NOD1: variants seen among roughly 807,000 people sequenced by gnomAD.
NOD1 encodes nucleotide binding oligomerization domain containing 1, also known as nucleotide-binding oligomerization domain-containing protein 1.
Under a neutral mutation model 81.2 loss-of-function variants are expected in NOD1, and 70 were observed. The ratio of observed to expected loss-of-function variants is 0.86; its 90% CI spans 0.71 to 1.05. NOD1 has a LOEUF of 1.05. Ranked by LOEUF, NOD1 falls within the 50% of genes least tolerant of loss-of-function variation. The probability of loss-of-function intolerance (pLI) is 0.00; values close to 1 mark genes in which losing one functional copy is unlikely to be tolerated. For missense variants in NOD1, 1,233 were observed against 1,228.0 expected, an observed-to-expected ratio of 1.00 and a Z score of -0.06; for synonymous variants, 508 against 526.9, an observed-to-expected ratio of 0.96 and a Z score of 0.49.
chr7:30,466,978 T>C (rs903263190), intron 1 of NOD1, among the ~76,000 whole-genome samples: 3 of 152,118 alleles, frequency 2.0e-5, no homozygotes, highest in Non-Finnish European at 2.9e-5. Context: ...CTCACTTGGC[T>C]CCACAGAACC....
At chr7:30,448,771 G>A (rs1465188461) in intron 6 of NOD1, among the ~76,000 whole-genome samples, 1 of 152,202 alleles carries the variant, frequency 6.6e-6, no homozygotes, top group African/African-American at 2.4e-5. Flanking sequence ...TGCTTTTAGT[G>A]GTTGTGACTG....
At chr7:30,427,693 G>A (rs768502424) in intron 13 of NOD1, among the ~76,000 whole-genome samples, 10 of 152,244 alleles carry the variant, frequency 6.6e-5, no homozygotes, top group Non-Finnish European at 1.5e-5. Flanking sequence ...TGAAGCTGAA[G>A]TCTCCTGGCC....
At chr7:30,466,758 T>C (rs903882455) in intron 1 of NOD1, among the ~76,000 whole-genome samples, 5 of 152,186 alleles carry the variant, frequency 3.3e-5, no homozygotes, top group African/African-American at 1.2e-4. Context: ...ACAACCTTTT[T>C]CAGATACTAT....
chr7:30,469,247 T>A, intron 1 of NOD1: 1 of 985,232 alleles, frequency 1.0e-6, no homozygotes, highest in Non-Finnish European at 1.2e-6. Context: ...ATTTAGCAGA[T>A]GGATGAAGCT....
Position 30,451,270 on chromosome 7 carries a change from T to A in NOD1, c.2147A>T (p.Asn716Ile). The A allele has an allele frequency of 1.2e-6, 2 of 1,613,838 alleles. No individual in the cohort carries two copies. Among genetic ancestry groups the A allele is most frequent in the East Asian group, 2.2e-5 (1 of 44,874 alleles). Residue 716 changes from asparagine to isoleucine, a missense_variant, in exon 6 of 14, where the codon AAC becomes ATC. Physicochemically the swap from Asn to Ile is moderately radical, Grantham distance 149. Coordinates refer to ENST00000222823, the MANE Select transcript of NOD1 (RefSeq NM_006092.4). This position sits in a 1 kb window ranked among gnomAD's most constrained non-coding sequence, Gnocchi z 4.2. Reference protein sequence around the residue: ...LALDLDNNNLNDYGVRELQPC... With the variant: ...LALDLDNNNLIDYGVRELQPC... ...CTGCAGCTCCCGCACGCCGTAGTCG[T>A]TGAGATTGTTGTTGTCTAGGTCTAG...
chr7:30,450,653 T>C (rs561573786), intron 6 of NOD1, among the ~76,000 whole-genome samples: 4 of 152,256 alleles, frequency 2.6e-5, no homozygotes, highest in African/African-American at 9.6e-5. Context: ...AGGTCTGCTT[T>C]CTCTGCAGTA....
intron 1 of NOD1, among the ~76,000 whole-genome samples, chr7:30,471,459 A>C (rs1003927053): frequency 1.3e-5 from 2 of 152,262 alleles, no homozygotes; most frequent in Non-Finnish European, 2.9e-5. Flanking sequence ...AGCAGCCAGC[A>C]TGCAGTGCTA....
rs1583798237 is a variant in NOD1 at position 30,456,711 on chromosome 7, C to T, written c.201+10G>A. ...ACACAATGCCATGCCCGTCCCTGTC[C>T]CCGGGGCACCTTGTCAGGCTGGGTG... On this transcript the variant is annotated intron_variant, in intron 4 of 13. Coordinates refer to ENST00000222823, the MANE Select transcript of NOD1 (RefSeq NM_006092.4). The T allele has an allele frequency of 6.2e-7, 1 of 1,613,246 alleles. No individual in the cohort carries two copies. Among genetic ancestry groups the T allele is most frequent in the Non-Finnish European group, 8.5e-7 (1 of 1,179,738 alleles).
chr7:30,436,555 CG>C (rs1784396513), intron 10 of NOD1, among the ~76,000 whole-genome samples: 1 of 150,914 alleles, frequency 6.6e-6, no homozygotes, highest in African/African-American at 2.4e-5. Flanking sequence ...GCAGCCTAAG[CG>C]GGGGCTGGGT....
intron 10 of NOD1, 24 bp from the exon 11 acceptor site, chr7:30,436,105 G>A (rs1168854076): frequency 1.3e-6 from 2 of 1,575,810 alleles, no homozygotes; most frequent in Non-Finnish European, 1.7e-6. Context: ...CACTTGGGGT[G>A]AATTATTAAA....
intron 13 of NOD1, chr7:30,428,443 C>G (rs1453321176): frequency 2.0e-5 from 3 of 152,184 alleles, no homozygotes; most frequent in Non-Finnish European, 4.4e-5. Context: ...AACACTTATG[C>G]AAACACACAC....
intron 10 of NOD1, among the ~76,000 whole-genome samples, chr7:30,437,234 G>A (rs368955529): frequency 5.3e-5 from 8 of 151,902 alleles, no homozygotes; most frequent in African/African-American, 1.7e-4. Flanking sequence ...GGGGTGGGGG[G>A]CAAGGGGAGG....
chr7:30,457,557 T>C (rs145716336), intron 3 of NOD1, among the ~76,000 whole-genome samples: 1,637 of 152,314 alleles, frequency 0.011, 28 homozygotes, highest in African/African-American at 0.036. Context: ...AGCCAACTCT[T>C]TTTTATTTTT....
intron 10 of NOD1, 52 bp downstream of exon 10, chr7:30,437,521 A>G (rs1784484486): frequency 8.3e-7 from 1 of 1,201,374 alleles, no homozygotes; most frequent in East Asian, 2.8e-5. Context: ...GCAAACCTAG[A>G]GCAGCTGGGA....
rs184829338 is a variant in NOD1 at position 30,451,154 on chromosome 7, C to T, written c.2201+62G>A. ...GGATCCTGGTCCATGATGCCATTCC[C>T]GATGCCCTCCGAGCCTGGCCCGCCC... is the stretch of plus-strand genomic sequence containing the variant. On this transcript the variant is annotated intron_variant, in intron 6 of 13. Coordinates refer to ENST00000222823, the MANE Select transcript of NOD1 (RefSeq NM_006092.4). The surrounding 1 kb of genome is among the most constrained non-coding windows in gnomAD (Gnocchi z 4.2). 6.4e-6 allele frequency: 10 copies of T among 1,551,662 alleles called. No individual in the cohort carries two copies. The highest frequency in any genetic ancestry group is 2.3e-5 in the East Asian group (1 of 44,198).
rs573913059 is a variant in NOD1, at chr7:30,474,749, T to A, written c.-352+3857A>T. Reference sequence around the variant, plus strand: ...CCATGGCCTAGGGATTGGGGACCCCTGAAGTAAGGAATAAAACAGGAATTG... The same window carrying A: ...CCATGGCCTAGGGATTGGGGACCCCAGAAGTAAGGAATAAAACAGGAATTG... On this transcript the variant is annotated intron_variant, in intron 1 of 13. Transcript: ENST00000222823. 8.6e-5 allele frequency among the ~76,000 whole-genome samples: 13 copies of A among 150,438 alleles called. 1 individual carries two copies. The highest frequency in any genetic ancestry group is 2.5e-4 in the African/African-American group (10 of 39,796).
At chr7:30,433,007 G>T in intron 12 of NOD1, 89 bp downstream of exon 12, 1 of 988,404 alleles carries the variant, frequency 1.0e-6, no homozygotes, top group South Asian at 1.4e-5. Context: ...TATACTTTAA[G>T]AGAGTGAATT....
At chr7:30,446,697 G>T (rs1024087644) in intron 8 of NOD1, 4 of 450,394 alleles carry the variant, frequency 8.9e-6, no homozygotes, top group African/African-American at 7.9e-5. Flanking sequence ...GGGGCAAAAA[G>T]ACCACCAGAA....
Position 30,429,452 on chromosome 7 carries a change from A to G in NOD1, c.2711T>C (p.Ile904Thr), listed in dbSNP as rs1783753852. The change falls in exon 13 of 14, where the codon ATC becomes ACC. Residue 904 changes from isoleucine to threonine, a missense_variant. Ile to Thr is a moderately conservative substitution (Grantham distance 89). Coordinates refer to ENST00000222823, the MANE Select transcript of NOD1 (RefSeq NM_006092.4). ...VNQTLKHLWLIQNQITAKGTA... is the reference protein window; with the variant it reads ...VNQTLKHLWLTQNQITAKGTA... ...CCCCTTAGCTGTGATCTGATTCTGG[A>G]TAAGCCTGAAAGAAGAACATAACTT... is the stretch of plus-strand genomic sequence containing the variant. The G allele has an allele frequency of 3.7e-6, 6 of 1,613,700 alleles. No individual in the cohort carries two copies. Among genetic ancestry groups the G allele is most frequent in the South Asian group, 1.1e-5 (1 of 91,086 alleles).
Sources: allele counts gnomAD v4.1 joint callset (sites outside exome capture counted in the v4.1 genomes callset), GRCh38; gene constraint gnomAD v4.1.1; non-coding constraint Gnocchi (gnomAD v3.1); transcripts MANE v1.5; gene names NCBI Gene and HGNC (gene_info 2026-07-23, HGNC 2026-07-21).